Variants in F13A1 observed in about 807,000 individuals in gnomAD.
F13A1 encodes the protein FSF, A subunit.
In F13A1, 47 loss-of-function variants were observed where a neutral mutation model predicts 80.1. The ratio of observed to expected loss-of-function variants is 0.59; its 90% CI spans 0.46 to 0.75. The LOEUF (loss-of-function observed/expected upper bound fraction) is 0.75. Ranked by LOEUF, F13A1 falls within the 30% of genes least tolerant of loss-of-function variation. F13A1 has a pLI of 0.00. For synonymous variants in F13A1, 349 were observed against 344.9 expected (o/e 1.01, Z -0.13); for missense variants, 817 against 930.4 (o/e 0.88, Z 1.59).
chr6:6,311,493 T>C (rs1254755561), intron 2 of F13A1, among the ~76,000 whole-genome samples: 1 of 145,666 alleles, frequency 6.9e-6, no homozygotes, highest in Admixed American at 7.1e-5. Flanking sequence ...GGGTGCTGAT[T>C]AATGCCTTTG....
In F13A1 at chr6:6,144,286, T is replaced by C. The variant is rs962366760; in HGVS notation, c.*1333A>G. The C allele has an allele frequency of 6.6e-6, 1 of 152,202 alleles. No homozygotes were observed. The highest frequency in any genetic ancestry group is 2.4e-5 in the African/African-American group (1 of 41,458). The allele number at this position is 152,202 out of a possible 1,614,324, so 9.4% of individuals were successfully genotyped here. On this transcript the variant is annotated 3_prime_UTR_variant, in exon 15 of 15. Transcript: ENST00000264870. ...GGACCAGCTCACCCTCATAGGTTAG[T>C]GCTGAAGGCTCAGGAACAGTCTCAA... is the stretch of plus-strand genomic sequence containing the variant.
rs111694310 is a variant in F13A1, at chr6:6,169,804, G to A, written c.1748-2186C>T. Among the ~76,000 whole-genome samples, 1,361 of 152,316 alleles carry A rather than the reference G, an allele frequency of 8.9e-3. 6 individuals are homozygous for A. Among genetic ancestry groups the A allele is most frequent in the Non-Finnish European group, 0.011 (781 of 68,018 alleles). On this transcript the variant is annotated intron_variant, in intron 12 of 14. Transcript: ENST00000264870. ...AATGGTGCTGAAACCAAGAAACCCCGCATAGGGCAGGTGGATTATTAGAAT... is the reference window on the plus strand; with the variant it reads ...AATGGTGCTGAAACCAAGAAACCCCACATAGGGCAGGTGGATTATTAGAAT...
At chr6:6,197,541 G>A (rs1415274731) in intron 8 of F13A1, among the ~76,000 whole-genome samples, 2 of 152,130 alleles carry the variant, frequency 1.3e-5, no homozygotes, top group South Asian at 2.1e-4. Context: ...AGCTGGGTGT[G>A]GTGGCGGGTG....
At chr6:6,281,143 G>T (rs1298785754) in intron 3 of F13A1, among the ~76,000 whole-genome samples, 1 of 152,158 alleles carries the variant, frequency 6.6e-6, no homozygotes, top group African/African-American at 2.4e-5. Context: ...AATTCATTTT[G>T]CTAAAATGTT....
intron 3 of F13A1, among the ~76,000 whole-genome samples, chr6:6,290,795 A>G (rs1049434177): frequency 7.9e-5 from 12 of 152,246 alleles, no homozygotes; most frequent in African/African-American, 2.4e-4. Context: ...CTGAAATGAC[A>G]TTCTATATAA....
chr6:6,246,959 T>C (rs1376519339), intron 6 of F13A1, among the ~76,000 whole-genome samples: 2 of 152,114 alleles, frequency 1.3e-5, no homozygotes, highest in Non-Finnish European at 1.5e-5. Flanking sequence ...ACAGTAAAAA[T>C]AGTGATCAGA....
intron 1 of F13A1, among the ~76,000 whole-genome samples, chr6:6,319,879 C>G (rs3024313): frequency 0.042 from 6,334 of 152,084 alleles, 143 homozygotes; most frequent in Non-Finnish European, 0.048. Context: ...GGTGAGCTGA[C>G]GGGGGAAGGG....
At chr6:6,273,341 G>A (rs1436181427) in intron 3 of F13A1, among the ~76,000 whole-genome samples, 1 of 152,190 alleles carries the variant, frequency 6.6e-6, no homozygotes, top group African/African-American at 2.4e-5. Context: ...CAAATGGCAA[G>A]CCCCACTAAG....
rs1561667445 is a variant in F13A1, at chr6:6,248,424, T to C, written c.691-5A>G. 6.2e-7 allele frequency: 1 copy of C among 1,611,958 alleles called. No individual in the cohort carries two copies. Among genetic ancestry groups the C allele is most frequent in the Non-Finnish European group, 8.5e-7 (1 of 1,178,756 alleles). ...GTCCAGGATGCCATCTTCAAACTATTTGGAGAAAGAAAAACAAAGAGAAAC... is the reference window on the plus strand; with the variant it reads ...GTCCAGGATGCCATCTTCAAACTATCTGGAGAAAGAAAAACAAAGAGAAAC... On this transcript the variant is annotated splice_region_variant and splice_polypyrimidine_tract_variant and intron_variant, in intron 5 of 14. Coordinates refer to ENST00000264870, the MANE Select transcript of F13A1 (RefSeq NM_000129.4).
At chr6:6,160,012 C>G (rs576164415) in intron 13 of F13A1, among the ~76,000 whole-genome samples, 51 of 152,052 alleles carry the variant, frequency 3.4e-4, no homozygotes, top group African/African-American at 1.2e-3. Context: ...CGCAGTGGCT[C>G]ACGCCTGTAA....
intron 3 of F13A1, among the ~76,000 whole-genome samples, chr6:6,290,482 C>T (rs191045169): frequency 3.0e-4 from 46 of 152,266 alleles, no homozygotes; most frequent in Middle Eastern, 6.8e-3. Context: ...TATAGTAGAA[C>T]AATTTTGGGA....
chr6:6,261,436 A>T (rs1469231838), intron 4 of F13A1, among the ~76,000 whole-genome samples: 2 of 152,300 alleles, frequency 1.3e-5, no homozygotes, highest in Middle Eastern at 3.4e-3. Context: ...TTGTTTCGTG[A>T]TTATTATGAA....
At chr6:6,164,266 T>C (rs867520157) in intron 13 of F13A1, among the ~76,000 whole-genome samples, 1 of 152,106 alleles carries the variant, frequency 6.6e-6, no homozygotes, top group Non-Finnish European at 1.5e-5. Context: ...TTCTCACTTA[T>C]AGGTGGGAGC....
At chr6:6,217,585 G>A (rs995643815) in intron 8 of F13A1, among the ~76,000 whole-genome samples, 4 of 151,614 alleles carry the variant, frequency 2.6e-5, no homozygotes, top group Non-Finnish European at 5.9e-5. Flanking sequence ...GCTGGATGAC[G>A]AGTTAGTGGG....
intron 10 of F13A1, among the ~76,000 whole-genome samples, chr6:6,190,585 A>T: frequency 6.6e-6 from 1 of 151,852 alleles, no homozygotes; most frequent in Non-Finnish European, 1.5e-5. Context: ...GCCCCTTCTC[A>T]GATCTCCAGC....
intron 7 of F13A1, among the ~76,000 whole-genome samples, 168 bp from the exon 8 acceptor site, chr6:6,222,339 T>C (rs1757207493): frequency 6.6e-6 from 1 of 152,170 alleles, no homozygotes; most frequent in African/African-American, 2.4e-5. Flanking sequence ...TTCAACCCCA[T>C]GGGGGCGGTA....
intron 8 of F13A1, among the ~76,000 whole-genome samples, chr6:6,209,651 A>C (rs1403172335): frequency 6.6e-6 from 1 of 152,256 alleles, no homozygotes; most frequent in Non-Finnish European, 1.5e-5. Flanking sequence ...ACACAATGAA[A>C]TATCATTCAT....
Position 6,298,605 on chromosome 6 carries a change from A to G in F13A1, c.319+6746T>C, listed in dbSNP as rs187412886. ...TTTTTGTTTTCCATTTGCTTGGTAG[A>G]TCTTCCTCCATCCTTTTATCTTGAG... On this transcript the variant is annotated intron_variant, in intron 3 of 14. Coordinates refer to ENST00000264870, the MANE Select transcript of F13A1 (RefSeq NM_000129.4). 4.5e-4 allele frequency among the ~76,000 whole-genome samples: 67 copies of G among 149,192 alleles called. 1 individual carries two copies. Among genetic ancestry groups the G allele is most frequent in the Non-Finnish European group, 8.7e-4 (59 of 67,930 alleles).
intron 3 of F13A1, among the ~76,000 whole-genome samples, chr6:6,288,383 T>G (rs996840531): frequency 2.6e-5 from 4 of 152,208 alleles, no homozygotes; most frequent in Admixed American, 1.3e-4. Context: ...TTTCTGAGAT[T>G]GACTTTTTCA....
Sources: allele counts gnomAD v4.1 joint callset (sites outside exome capture counted in the v4.1 genomes callset), GRCh38; gene constraint gnomAD v4.1.1; transcripts MANE v1.5; gene names NCBI Gene and HGNC (gene_info 2026-07-23, HGNC 2026-07-21).